The following RGL1 variants were observed in gnomAD, a reference collection of about 807,000 sequenced individuals.
RGL1 encodes the protein ral guanine nucleotide dissociation stimulator like 1.
RGL1 carries 24 observed loss-of-function variants against 95.2 expected under a neutral mutation model. The observed-to-expected ratio is 0.25, with a 90% CI of 0.18 to 0.35. The LOEUF is 0.35. Among genes scored for constraint, RGL1 ranks in the 10% least tolerant of loss-of-function variants. The pLI, the probability that RGL1 is intolerant of heterozygous loss-of-function variation, is 1.00. For missense variants in RGL1, 715 were observed against 936.3 expected (o/e 0.76, Z 3.08); for synonymous variants, 329 against 344.9 (o/e 0.95, Z 0.51).
chr1:183,669,770 G>A (rs928820244), intron 1 of RGL1, among the ~76,000 whole-genome samples: 2 of 152,322 alleles, frequency 1.3e-5, no homozygotes, highest in South Asian at 2.1e-4. Flanking sequence ...CCACATGGCT[G>A]GGGAGGCCTC....
chr1:183,907,440 A>T (rs74133028), intron 14 of RGL1, among the ~76,000 whole-genome samples: 2,323 of 151,852 alleles, frequency 0.015, 77 homozygotes, highest in African/African-American at 0.054. Context: ...CTGTATAAAA[A>T]CCCCTATAGC....
chr1:183,637,370 A>G (rs575789257), intron 1 of RGL1, among the ~76,000 whole-genome samples: 4 of 152,354 alleles, frequency 2.6e-5, no homozygotes, highest in Middle Eastern at 3.4e-3. Context: ...AAAGCTAAGC[A>G]TGCAGAAGGG....
intron 2 of RGL1, among the ~76,000 whole-genome samples, chr1:183,754,211 A>G (rs936727485): frequency 6.6e-6 from 1 of 152,104 alleles, no homozygotes; most frequent in African/African-American, 2.4e-5. Flanking sequence ...GTATTGTCAC[A>G]GAAGATATAG....
intron 2 of RGL1, among the ~76,000 whole-genome samples, chr1:183,747,866 A>G (rs1657742377): frequency 6.6e-6 from 1 of 152,140 alleles, no homozygotes; most frequent in Non-Finnish European, 1.5e-5. Context: ...GTTAGGGAGG[A>G]GTCCCTCTTT....
intron 8 of RGL1, 69 bp downstream of exon 8, chr1:183,888,646 C>T: frequency 2.2e-6 from 2 of 919,480 alleles, no homozygotes; most frequent in Non-Finnish European, 3.6e-6. Context: ...GAGTCCTCAC[C>T]TTCAAAGCTT....
At chr1:183,827,382 G>C (rs1662941096) in intron 2 of RGL1, among the ~76,000 whole-genome samples, 1 of 152,198 alleles carries the variant, frequency 6.6e-6, no homozygotes, top group Non-Finnish European at 1.5e-5. Flanking sequence ...AAGGTGTGGA[G>C]CTACAGAGAA....
rs148063983 is a variant in RGL1, at chr1:183,639,434, G to A, written c.-33+2933G>A. 4.3e-3 allele frequency among the ~76,000 whole-genome samples: 658 copies of A among 152,232 alleles called. 1 individual carries two copies. Among genetic ancestry groups the A allele is most frequent in the Non-Finnish European group, 7.7e-3 (524 of 68,016 alleles). On this transcript the variant is annotated intron_variant, in intron 1 of 18. Coordinates refer to the RGL1 transcript ENST00000304685. ...AGTGAATTTCAGTTCTGGTAAGGAT[G>A]CTTTAATACCAGGGTTCTCTGGCAA...
At chr1:183,691,857 C>T (rs1245930884) in intron 1 of RGL1, among the ~76,000 whole-genome samples, 1 of 151,944 alleles carries the variant, frequency 6.6e-6, no homozygotes, top group Non-Finnish European at 1.5e-5. Flanking sequence ...GCCTTAAAGT[C>T]AAGCATTAAG....
chr1:183,807,612 G>T (rs1452164903), intron 2 of RGL1, among the ~76,000 whole-genome samples: 1 of 152,172 alleles, frequency 6.6e-6, no homozygotes, highest in Non-Finnish European at 1.5e-5. Context: ...CACTTCCTCT[G>T]CCATGAGTCT....
intron 3 of RGL1, among the ~76,000 whole-genome samples, chr1:183,865,398 C>G (rs1665764700): frequency 2.0e-5 from 3 of 152,222 alleles, no homozygotes; most frequent in African/African-American, 7.2e-5. Flanking sequence ...TACAGCTGCT[C>G]TCATGGTTGC....
chr1:183,742,390 A>G, intron 2 of RGL1: 1 of 1,392,830 alleles, frequency 7.2e-7, no homozygotes, highest in Non-Finnish European at 1.0e-6. Flanking sequence ...AGCTTGGCAA[A>G]TCTTTATTCA....
At chr1:183,781,492 G>A (rs968824660) in intron 2 of RGL1, among the ~76,000 whole-genome samples, 10 of 151,942 alleles carry the variant, frequency 6.6e-5, no homozygotes, top group Admixed American at 2.0e-4. Flanking sequence ...CTAGGCCCCG[G>A]TTTTTCTCCC....
chr1:183,780,972 G>C (rs78249168), intron 2 of RGL1, among the ~76,000 whole-genome samples: 1,889 of 152,278 alleles, frequency 0.012, 48 homozygotes, highest in African/African-American at 0.044. Flanking sequence ...TCACACTTCA[G>C]GGCCTATTGC....
chr1:183,643,323 C>G (rs1650064747), intron 1 of RGL1, among the ~76,000 whole-genome samples: 1 of 150,776 alleles, frequency 6.6e-6, no homozygotes, highest in Non-Finnish European at 1.5e-5. Flanking sequence ...GACGGGGTCT[C>G]ACTCTGTTGC....
upstream of RGL1, among the ~76,000 whole-genome samples, chr1:183,802,012 A>G (rs368229164): frequency 6.6e-6 from 1 of 152,240 alleles, no homozygotes; most frequent in East Asian, 1.9e-4. Context: ...GAGGGGTCAA[A>G]CAAACCAAAC....
intron 1 of RGL1, among the ~76,000 whole-genome samples, chr1:183,733,574 G>A (rs576275507): frequency 1.3e-5 from 2 of 152,270 alleles, no homozygotes; most frequent in Admixed American, 1.3e-4. Flanking sequence ...TCCCCTGCTG[G>A]ATGAGTATTG....
chr1:183,744,549 A>C (rs544414093), intron 2 of RGL1, among the ~76,000 whole-genome samples: 2 of 152,296 alleles, frequency 1.3e-5, no homozygotes, highest in South Asian at 4.2e-4. Context: ...GCCCTGTCAT[A>C]AATCTGAATT....
At chr1:183,866,825 G>A (rs554673637) in intron 4 of RGL1, among the ~76,000 whole-genome samples, 22 of 152,314 alleles carry the variant, frequency 1.4e-4, no homozygotes, top group Non-Finnish European at 2.6e-4. Context: ...GTGGGAGCAG[G>A]GAGCCTGGTC....
intron 2 of RGL1, among the ~76,000 whole-genome samples, chr1:183,824,306 C>T (rs1471833532): frequency 6.6e-6 from 1 of 152,080 alleles, no homozygotes; most frequent in East Asian, 1.9e-4. Flanking sequence ...TCTGCTTCTC[C>T]TTTTAGTGTC....
Sources: gnomAD v4.1 joint callset for allele counts (sites outside exome capture counted in the v4.1 genomes callset) on GRCh38, gnomAD v4.1.1 for gene constraint, MANE v1.5 for transcripts, NCBI Gene and HGNC (gene_info 2026-07-23, HGNC 2026-07-21) for gene names.